IRF3: variants seen among roughly 807,000 people sequenced by gnomAD.
The protein encoded by IRF3 is interferon regulatory factor 3.
Under a neutral mutation model 43.2 loss-of-function variants are expected in IRF3, and 29 were observed. The observed-to-expected ratio is 0.67, with a 90% CI of 0.50 to 0.91. IRF3 has a LOEUF of 0.91. Among genes scored for constraint, IRF3 ranks in the 40% least tolerant of loss-of-function variants. The pLI, the probability that IRF3 is intolerant of heterozygous loss-of-function variation, is 0.00. For synonymous variants in IRF3, 228 were observed against 233.9 expected (o/e 0.97, Z 0.23); for missense variants, 505 against 559.1 (o/e 0.90, Z 0.98).
chr19:49,665,218 C>T (rs1301088635), intron 1 of IRF3: 1 of 230,494 alleles, frequency 4.3e-6, no homozygotes, highest in Non-Finnish European at 8.7e-6. Flanking sequence ...ACGTGTAAGC[C>T]TCTACCTCCT....
At position 49,663,552 on chromosome 19, in the gene IRF3, G is replaced by A. The variant is rs374395518; in HGVS notation, c.166-38C>T. ...TGGTGTCAGGATGGTGGGGGAGGAC[G>A]ACTTAGATCCTGCTCCTGGGGCCCT... On this transcript the variant is annotated intron_variant, in intron 2 of 7. Coordinates refer to ENST00000377139, the MANE Select transcript of IRF3 (RefSeq NM_001571.6). 344 of 1,603,540 alleles carry A rather than the reference G, an allele frequency of 2.1e-4. 1 individual carries two copies. Among genetic ancestry groups the A allele is most frequent in the Middle Eastern group, 6.9e-4 (4 of 5,760 alleles).
intron 7 of IRF3, among the ~76,000 whole-genome samples, chr19:49,660,365 T>G (rs2081266637): frequency 6.6e-6 from 1 of 152,126 alleles, no homozygotes; most frequent in Non-Finnish European, 1.5e-5. Flanking sequence ...TCTATCGAAC[T>G]GCGCACGTGA....
rs183292068 is a variant in IRF3, at chr19:49,664,355, A to C, written c.165+319T>G. 706 of 992,994 alleles carry C rather than the reference A, an allele frequency of 7.1e-4. 1 individual carries two copies. The African/African-American group carries it at 9.9e-3, about 14-fold the overall frequency. 61.5% of individuals were successfully genotyped at this position (992,994 alleles called of 1,614,324 possible). A position where few individuals can be genotyped will look rare whatever the true frequency, so the allele number is the denominator to read the frequency against. On this transcript the variant is annotated intron_variant, in intron 2 of 7. Transcript: ENST00000377139. ...AGGCCTCACCTCTGATGTTTCAAGA[A>C]CCATCCCCCAGTATCTATCCTACAA...
In IRF3 at chr19:49,665,676, G is replaced by A; in HGVS notation, c.-54C>T. The A allele has an allele frequency of 8.9e-7, 1 of 1,128,284 alleles. No homozygotes were observed. Among genetic ancestry groups the A allele is most frequent in the South Asian group, 1.6e-5 (1 of 63,582 alleles). The allele number at this position is 1,128,284 out of a possible 1,614,324, so 69.9% of individuals were successfully genotyped here. ...GTGCGGGCAGCTGGAACCCACCCCT[G>A]TCTTGGAGCTCCGGGTAGCTCTCAA... On this transcript the variant is annotated 5_prime_UTR_variant, in exon 1 of 8. Transcript: ENST00000377139.
intron 6 of IRF3, chr19:49,661,081 A>G: frequency 2.1e-6 from 1 of 481,648 alleles, no homozygotes; most frequent in Non-Finnish European, 3.7e-6. Flanking sequence ...TAGGGGGCCC[A>G]TGCTCCCAAG....
At chr19:49,664,557 GT>G (rs754374657) in intron 2 of IRF3, 116 bp downstream of exon 2, 2 of 1,504,756 alleles carry the variant, frequency 1.3e-6, no homozygotes, top group South Asian at 2.2e-5. Context: ...ACCCACCAGC[GT>G]TGGCACGAGC....
chr19:49,663,111 A>G (rs1251650052), intron 4 of IRF3, 77 bp downstream of exon 4: 20 of 1,276,296 alleles, frequency 1.6e-5, no homozygotes, highest in Non-Finnish European at 2.3e-5. Context: ...GAGTGGGGGG[A>G]TCGTCTAGAG....
rs1389783781 is a variant in IRF3 at position 49,663,221 on chromosome 19, G to A, written c.375C>T (p.Asp125=). The A allele has an allele frequency of 6.2e-7, 1 of 1,614,142 alleles. No individual in the cohort carries two copies. Among genetic ancestry groups the A allele is most frequent in the Non-Finnish European group, 8.5e-7 (1 of 1,180,006 alleles). Residue 125 remains aspartate (D), a synonymous_variant, in exon 4 of 8, where the codon GAC becomes GAT. Transcript: ENST00000377139. ...CAGAAGTACTGCCTCCACCATTGGT[G>A]TCCGGAGAGGTGTCTGGCTGGGAAA... is the stretch of plus-strand genomic sequence containing the variant. ...GDFSQPDTSP[D]TNGGGSTSDT...
At chr19:49,664,615 A>C (rs1451493143) in intron 2 of IRF3, 59 bp downstream of exon 2, 2 of 1,589,940 alleles carry the variant, frequency 1.3e-6, no homozygotes, top group Non-Finnish European at 1.7e-6. Context: ...GCCCACTAGG[A>C]GTCCTTTCCG....
rs770396432 is a variant in IRF3, at chr19:49,659,996, C to CATATATAT, written c.1099-164_1099-163insATATATAT. Among the ~76,000 whole-genome samples, 5 of 120,548 alleles carry CATATATAT rather than the reference C, an allele frequency of 4.1e-5. 1 individual carries two copies. The highest frequency in any genetic ancestry group is 6.8e-5 in the Non-Finnish European group (4 of 58,438). 79.1% of individuals were successfully genotyped at this position (120,548 alleles called of 152,430 possible). A position where few individuals can be genotyped will look rare whatever the true frequency, so the allele number is the denominator to read the frequency against. On this transcript the variant is annotated intron_variant, in intron 7 of 7. Transcript: ENST00000377139. ...GGAGTTGTAGTTTTACACACACACA[C>CATATATAT]ACACACACACACACACACACACACA...
At chr19:49,663,050 G>C in intron 4 of IRF3, 138 bp downstream of exon 4, 1 of 787,510 alleles carries the variant, frequency 1.3e-6, no homozygotes, top group South Asian at 1.5e-5. Flanking sequence ...ACCGGGGCAG[G>C]GACAGACAGG....
intron 6 of IRF3, chr19:49,661,665 C>T (rs149859018): frequency 1.2e-5 from 4 of 334,792 alleles, no homozygotes; most frequent in African/African-American, 2.1e-5. Context: ...CTGCAATCTC[C>T]GCCTCCTGGG....
intron 2 of IRF3, chr19:49,663,717 T>TG: frequency 1.7e-6 from 1 of 579,264 alleles, no homozygotes; most frequent in Admixed American, 3.2e-5. Flanking sequence ...CTTTTTGAGA[T>TG]GGAGTTTCAC....
intron 1 of IRF3, chr19:49,665,127 C>A (rs775058727): frequency 3.8e-5 from 15 of 393,744 alleles, no homozygotes; most frequent in Non-Finnish European, 6.5e-5. Context: ...CCTCCTCCCT[C>A]CCCCACATCA....
At position 49,665,674 on chromosome 19, in the gene IRF3, C is replaced by T. The variant is rs1221975449; in HGVS notation, c.-52G>A. The T allele has an allele frequency of 4.5e-6, 5 of 1,102,712 alleles. No homozygotes were observed. Among genetic ancestry groups the T allele is most frequent in the South Asian group, 1.6e-5 (1 of 62,798 alleles). 68.3% of individuals were successfully genotyped at this position (1,102,712 alleles called of 1,614,324 possible). On this transcript the variant is annotated 5_prime_UTR_variant, in exon 1 of 8. Transcript: ENST00000377139. Reference sequence around the variant, plus strand: ...GCGTGCGGGCAGCTGGAACCCACCCCTGTCTTGGAGCTCCGGGTAGCTCTC... The same window carrying T: ...GCGTGCGGGCAGCTGGAACCCACCCTTGTCTTGGAGCTCCGGGTAGCTCTC...
At chr19:49,660,024 C>CAG (rs2081230340) in intron 7 of IRF3, among the ~76,000 whole-genome samples, 191 bp from the exon 8 acceptor site, 1 of 120,916 alleles carries the variant, frequency 8.3e-6, no homozygotes, top group Non-Finnish European at 1.6e-5. Context: ...CACACACACA[C>CAG]ACACCCCCTG....
chr19:49,664,133 T>A (rs910272816), intron 2 of IRF3, among the ~76,000 whole-genome samples: 3 of 152,220 alleles, frequency 2.0e-5, no homozygotes, highest in Non-Finnish European at 2.9e-5. Context: ...TGCAAAGTGC[T>A]AGGATTACAG....
chr19:49,660,231 C>G (rs1229539740), intron 7 of IRF3, among the ~76,000 whole-genome samples: 9 of 152,118 alleles, frequency 5.9e-5, no homozygotes, highest in Non-Finnish European at 1.2e-4. Context: ...CCCCAACCCC[C>G]CTACGGCTTG....
intron 4 of IRF3, among the ~76,000 whole-genome samples, 179 bp from the exon 5 acceptor site, chr19:49,662,796 C>T (rs930252611): frequency 2.6e-5 from 4 of 152,206 alleles, no homozygotes; most frequent in Admixed American, 6.5e-5. Context: ...CACTAATGAA[C>T]GCCAGGTGCT....
Sources: gnomAD v4.1 joint callset for allele counts (sites outside exome capture counted in the v4.1 genomes callset) on GRCh38, gnomAD v4.1.1 for gene constraint, MANE v1.5 for transcripts, NCBI Gene and HGNC (gene_info 2026-07-23, HGNC 2026-07-21) for gene names.